PSEN2: variants seen among roughly 807,000 people sequenced by gnomAD.
PSEN2 encodes the protein presenilin 2.
In PSEN2, 32 loss-of-function variants were observed where a neutral mutation model predicts 49.1. The ratio of observed to expected loss-of-function variants is 0.65; its 90% confidence interval spans 0.49 to 0.88. The LOEUF is 0.88. Ranked by LOEUF, PSEN2 falls within the 40% of genes least tolerant of loss-of-function variation. The pLI is 0.00. For synonymous variants in PSEN2, 255 were observed against 244.0 expected (o/e 1.05, Z -0.42); for missense variants, 522 against 586.9 (o/e 0.89, Z 1.14).
At chr1:226,880,411 G>A in intron 3 of PSEN2, 1 of 939,456 alleles carries the variant, frequency 1.1e-6, no homozygotes, top group Non-Finnish European at 1.5e-6. Context: ...ATATATTGTG[G>A]GGTGACTTAC....
At chr1:226,881,097 T>G (rs1352056112) in intron 3 of PSEN2, among the ~76,000 whole-genome samples, 1 of 152,220 alleles carries the variant, frequency 6.6e-6, no homozygotes, top group African/African-American at 2.4e-5. Flanking sequence ...CCTTCTGGAC[T>G]CTGCCCTCAC....
At chr1:226,899,784 C>CA (rs1372878046), downstream of PSEN2, among the ~76,000 whole-genome samples, 778 of 152,258 alleles carry the variant, frequency 5.1e-3, 9 homozygotes, top group African/African-American at 0.017. Context: ...GTGGCTTTCA[C>CA]CTCATGACCT....
rs558125621 is a variant in PSEN2, at chr1:226,882,139, G to A, written c.141+91G>A. ...AAACCAGACATTCATTCCCTGATGC[G>A]GGAGGGAGAAGGGAAGTAATGATGA... On this transcript the variant is annotated intron_variant, in intron 4 of 12. Coordinates refer to ENST00000366783, the MANE Select transcript of PSEN2 (RefSeq NM_000447.3). The A allele has an allele frequency of 1.4e-5, 21 of 1,518,326 alleles. No individual in the cohort carries two copies. In the Admixed American group the frequency reaches 1.5e-4, roughly 11 times the overall value. 94.1% of individuals were successfully genotyped at this position (1,518,326 alleles called of 1,614,324 possible).
At chr1:226,893,956 T>C (rs1245718538) in intron 11 of PSEN2, 51 bp from the exon 12 acceptor site, 2 of 1,494,672 alleles carry the variant, frequency 1.3e-6, no homozygotes, top group Middle Eastern at 1.7e-4. Context: ...CTCTTCTTTT[T>C]CCATTCTGTG....
chr1:226,881,419 T>C (rs1660981749), intron 3 of PSEN2, among the ~76,000 whole-genome samples: 1 of 152,236 alleles, frequency 6.6e-6, no homozygotes, highest in Non-Finnish European at 1.5e-5. Context: ...CTCTGAGATT[T>C]GGTTCCACTT....
intron 2 of PSEN2, among the ~76,000 whole-genome samples, chr1:226,871,608 C>T (rs1660298664): frequency 6.6e-6 from 1 of 152,200 alleles, no homozygotes; most frequent in African/African-American, 2.4e-5. Flanking sequence ...TGTAGACTAA[C>T]TTAACTCAGA....
intron 7 of PSEN2, among the ~76,000 whole-genome samples, chr1:226,888,547 C>A (rs1288406696): frequency 6.6e-6 from 1 of 152,202 alleles, no homozygotes; most frequent in Non-Finnish European, 1.5e-5. Flanking sequence ...CAGCCTGACC[C>A]AGGGGCCCAA....
chr1:226,871,079 C>G (rs1047201938), intron 1 of PSEN2, 183 bp from the exon 2 acceptor site: 1 of 151,950 alleles, frequency 6.6e-6, no homozygotes, highest in African/African-American at 2.4e-5. Context: ...GCGTTTTGTT[C>G]TTCTTCTCTC....
chr1:226,885,459 A>T, intron 5 of PSEN2, 79 bp from the exon 6 acceptor site: 2 of 1,541,230 alleles, frequency 1.3e-6, no homozygotes, highest in South Asian at 2.4e-5. Context: ...CTCCCCTAGC[A>T]GGTCCAGAAT....
chr1:226,892,921 C>A (rs1379676446), intron 11 of PSEN2, among the ~76,000 whole-genome samples: 1 of 152,140 alleles, frequency 6.6e-6, no homozygotes, highest in South Asian at 2.1e-4. Context: ...CTTAAAATTG[C>A]AGTTTGTTTT....
At chr1:226,883,977 G>C in intron 5 of PSEN2, 58 bp downstream of exon 5, 1 of 1,287,370 alleles carries the variant, frequency 7.8e-7, no homozygotes, top group Non-Finnish European at 1.1e-6. Context: ...CCAGGGGGTG[G>C]GGGGCGCAGC....
At chr1:226,871,661 G>C (rs1388648509) in intron 2 of PSEN2, among the ~76,000 whole-genome samples, 1 of 152,244 alleles carries the variant, frequency 6.6e-6, no homozygotes, top group Non-Finnish European at 1.5e-5. Flanking sequence ...GAAGTAACTT[G>C]ATTAGGACCG....
intron 1 of PSEN2, 148 bp downstream of exon 1, chr1:226,870,797 C>T (rs937416460): frequency 6.6e-6 from 1 of 152,404 alleles, no homozygotes; most frequent in African/African-American, 2.4e-5. Flanking sequence ...GGTCTGCGGC[C>T]CCTGCGTGCG....
intron 12 of PSEN2, among the ~76,000 whole-genome samples, chr1:226,894,590 C>T (rs1342312738): frequency 3.3e-5 from 5 of 152,234 alleles, no homozygotes; most frequent in African/African-American, 7.2e-5. Flanking sequence ...AGGGGTGGCC[C>T]CGTTACTGTG....
intron 12 of PSEN2, among the ~76,000 whole-genome samples, chr1:226,902,732 G>T (rs368410974): frequency 6.6e-6 from 1 of 152,168 alleles, no homozygotes; most frequent in African/African-American, 2.4e-5. Context: ...GGGTCTGTCA[G>T]TGAGAGCTGG....
At chr1:226,874,516 G>A (rs145498605) in intron 2 of PSEN2, among the ~76,000 whole-genome samples, 74 of 152,276 alleles carry the variant, frequency 4.9e-4, no homozygotes, top group African/African-American at 1.8e-3. Flanking sequence ...GGGCTGGGCC[G>A]GGAATGGAAA....
intron 3 of PSEN2, among the ~76,000 whole-genome samples, chr1:226,879,888 A>C (rs1660869219): frequency 6.6e-6 from 1 of 152,186 alleles, no homozygotes; most frequent in African/African-American, 2.4e-5. Flanking sequence ...TTCATGTTGA[A>C]ATCCCTGTGA....
chr1:226,898,663 G>A (rs1351536886), downstream of PSEN2: 1 of 152,182 alleles, frequency 6.6e-6, no homozygotes, highest in Admixed American at 6.5e-5. Flanking sequence ...GCCCAGGCTG[G>A]AGTGCAGCAG....
chr1:226,884,866 T>C (rs779154863), intron 5 of PSEN2, among the ~76,000 whole-genome samples: 1 of 152,094 alleles, frequency 6.6e-6, no homozygotes, highest in Non-Finnish European at 1.5e-5. Flanking sequence ...GAGCCATGAT[T>C]GCGCCACTGC....
Sources: gnomAD v4.1 joint callset for allele counts (sites outside exome capture counted in the v4.1 genomes callset) on GRCh38, gnomAD v4.1.1 for gene constraint, MANE v1.5 for transcripts, NCBI Gene and HGNC (gene_info 2026-07-23, HGNC 2026-07-21) for gene names.